FAT3: variants seen among roughly 807,000 people sequenced by gnomAD.
FAT3 encodes FAT atypical cadherin 3.
Under a neutral mutation model 310.2 loss-of-function variants are expected in FAT3, and 95 were observed. That is an observed-to-expected ratio of 0.31 (90% CI 0.26 to 0.36). The LOEUF is 0.36. Among genes scored for constraint, FAT3 ranks in the 10% least tolerant of loss-of-function variants. The probability of loss-of-function intolerance (pLI) is 1.00; values close to 1 mark genes in which losing one functional copy is unlikely to be tolerated. For synonymous variants in FAT3, 2,314 were observed against 2,192.9 expected, an observed-to-expected ratio of 1.06 and a Z score of -1.54; for missense variants, 5,408 against 5,715.6, an observed-to-expected ratio of 0.95 and a Z score of 1.74.
At chr11:92,315,771 C>T (rs1352439571) in intron 1 of FAT3, among the ~76,000 whole-genome samples, 1 of 151,802 alleles carries the variant, frequency 6.6e-6, no homozygotes, top group Non-Finnish European at 1.5e-5. Context: ...ATCCACCCAC[C>T]TTGGCCTCCC....
At chr11:92,879,419 A>G (rs1412956596) in intron 22 of FAT3, among the ~76,000 whole-genome samples, 1 of 152,212 alleles carries the variant, frequency 6.6e-6, no homozygotes, top group Non-Finnish European at 1.5e-5. Flanking sequence ...ATGAAAATAC[A>G]GGGAAGCAGA....
At chr11:92,344,798 T>C (rs781119345) in intron 1 of FAT3, among the ~76,000 whole-genome samples, 1 of 152,154 alleles carries the variant, frequency 6.6e-6, no homozygotes, top group Non-Finnish European at 1.5e-5. Context: ...ACATCCCGAT[T>C]GATGGCAATC....
In FAT3 at chr11:92,895,055, A is replaced by C. The variant is rs992729559; in HGVS notation, c.*3942A>C. On this transcript the variant is annotated 3_prime_UTR_variant, in exon 28 of 28. Coordinates refer to ENST00000525166, the MANE Select transcript of FAT3 (RefSeq NM_001367949.2). ...AAAACAGTTTTATGTGAAGTAATTC[A>C]GGAAGATCTAGTGTTCATTTTGCAT... 6 of 152,370 alleles carry C rather than the reference A, an allele frequency of 3.9e-5. No individual in the cohort carries two copies. Among genetic ancestry groups the C allele is most frequent in the African/African-American group, 1.4e-4 (6 of 41,588 alleles). 9.4% of individuals were successfully genotyped at this position (152,370 alleles called of 1,614,324 possible). A position where few individuals can be genotyped will look rare whatever the true frequency, so the allele number is the denominator to read the frequency against.
intron 3 of FAT3, among the ~76,000 whole-genome samples, chr11:92,638,106 C>T (rs1355826244): frequency 6.6e-6 from 1 of 152,090 alleles, no homozygotes; most frequent in Non-Finnish European, 1.5e-5. Context: ...TTGACTTTAC[C>T]TTCAATAAAT....
chr11:92,427,038 C>T (rs936035205), intron 2 of FAT3, among the ~76,000 whole-genome samples: 1 of 152,028 alleles, frequency 6.6e-6, no homozygotes, highest in Admixed American at 6.6e-5. Context: ...TGTTTGTGTC[C>T]TCTCTTATTT....
chr11:92,247,730 T>G (rs983773261), intron 1 of FAT3, among the ~76,000 whole-genome samples: 35 of 151,166 alleles, frequency 2.3e-4, no homozygotes, highest in South Asian at 6.3e-4. Flanking sequence ...CACCTGTTTT[T>G]TTTTTTTTTT....
chr11:92,362,943 G>A (rs1174321037), intron 2 of FAT3, among the ~76,000 whole-genome samples: 1 of 152,130 alleles, frequency 6.6e-6, no homozygotes, highest in African/African-American at 2.4e-5. Context: ...GAAACCAGAG[G>A]ACTGTATCTT....
At chr11:92,867,598 G>A (rs1473881734) in intron 22 of FAT3, among the ~76,000 whole-genome samples, 6 of 152,194 alleles carry the variant, frequency 3.9e-5, no homozygotes, top group Admixed American at 3.3e-4. Flanking sequence ...TATGAGTTAT[G>A]ATGCCCATGC....
intron 4 of FAT3, among the ~76,000 whole-genome samples, chr11:92,753,949 A>G (rs1248058064): frequency 2.6e-5 from 4 of 151,976 alleles, no homozygotes; most frequent in Non-Finnish European, 4.4e-5. Flanking sequence ...GAGCTAAGCT[A>G]TGAAGATGCA....
intron 2 of FAT3, among the ~76,000 whole-genome samples, chr11:92,516,939 T>C (rs1171884833): frequency 6.6e-6 from 1 of 152,078 alleles, no homozygotes; most frequent in Non-Finnish European, 1.5e-5. Context: ...GTGAAGGCCC[T>C]CTTCAAGGAG....
chr11:92,736,505 G>A (rs1184034848), intron 4 of FAT3, among the ~76,000 whole-genome samples: 1 of 152,112 alleles, frequency 6.6e-6, no homozygotes, highest in Non-Finnish European at 1.5e-5. Context: ...GAATTGTTAA[G>A]TAACGAAAAA....
intron 1 of FAT3, among the ~76,000 whole-genome samples, chr11:92,285,814 A>G (rs917536228): frequency 2.0e-5 from 3 of 152,112 alleles, no homozygotes; most frequent in African/African-American, 4.8e-5. Context: ...GTATCTGTCT[A>G]TATGTGTTGA....
At chr11:92,858,550 A>T (rs901844521) in intron 20 of FAT3, among the ~76,000 whole-genome samples, 9 of 152,112 alleles carry the variant, frequency 5.9e-5, no homozygotes, top group Non-Finnish European at 8.8e-5. Context: ...AAGGCAATTT[A>T]AAAAAAAGAG....
At chr11:92,381,854 A>G (rs1286701979) in intron 2 of FAT3, among the ~76,000 whole-genome samples, 2 of 152,132 alleles carry the variant, frequency 1.3e-5, no homozygotes, top group Admixed American at 1.3e-4. Flanking sequence ...TATTTATGAG[A>G]CGATGAGTGT....
chr11:92,686,175 C>G (rs1943630413), intron 3 of FAT3, among the ~76,000 whole-genome samples: 1 of 152,080 alleles, frequency 6.6e-6, no homozygotes, highest in Admixed American at 6.6e-5. Flanking sequence ...AGTGAAATGC[C>G]ACTGATTCAG....
chr11:92,677,859 A>G (rs2839988), intron 3 of FAT3, among the ~76,000 whole-genome samples: 1 of 152,194 alleles, frequency 6.6e-6, no homozygotes, highest in African/African-American at 2.4e-5. Context: ...TACACTCCAC[A>G]CAGTGGGAGT....
chr11:92,580,505 C>G (rs2135530069), intron 3 of FAT3, among the ~76,000 whole-genome samples: 1 of 152,186 alleles, frequency 6.6e-6, no homozygotes, highest in Middle Eastern at 3.4e-3. Context: ...TGCTAGTGCC[C>G]TCTTGTTGTC....
chr11:92,802,429 G>C (rs1305465689), intron 10 of FAT3, among the ~76,000 whole-genome samples: 1 of 152,004 alleles, frequency 6.6e-6, no homozygotes, highest in Non-Finnish European at 1.5e-5. Flanking sequence ...CAAATCAAGG[G>C]GTATTTCTTC....
chr11:92,368,822 T>TTG (rs1949090834), intron 2 of FAT3, among the ~76,000 whole-genome samples: 2 of 120,274 alleles, frequency 1.7e-5, no homozygotes, highest in African/African-American at 8.7e-5. Flanking sequence ...AACAGTATGT[T>TTG]TGTGTGTATA....
Sources: allele counts gnomAD v4.1 joint callset (sites outside exome capture counted in the v4.1 genomes callset), GRCh38; gene constraint gnomAD v4.1.1; transcripts MANE v1.5; gene names NCBI Gene and HGNC (gene_info 2026-07-23, HGNC 2026-07-21).